The following ANGPT1 variants were observed in gnomAD, a reference collection of about 807,000 sequenced individuals.
ANGPT1 encodes the protein angiopoietin 1.
Under a neutral mutation model 62.2 loss-of-function variants are expected in ANGPT1, and 17 were observed. That is an observed-to-expected ratio of 0.27 (90% confidence interval 0.19 to 0.41). The LOEUF is 0.41. ANGPT1 is among the 10% of genes least tolerant of loss of function. The pLI, the probability that ANGPT1 is intolerant of heterozygous loss-of-function variation, is 1.00. For synonymous variants in ANGPT1, 199 were observed against 198.9 expected, an observed-to-expected ratio of 1.00 and a Z score of 0.00; for missense variants, 478 against 594.9, an observed-to-expected ratio of 0.80 and a Z score of 2.04.
chr8:107,465,951 T>C (rs1430480376), intron 1 of ANGPT1, among the ~76,000 whole-genome samples: 1 of 152,164 alleles, frequency 6.6e-6, no homozygotes, highest in Non-Finnish European at 1.5e-5. Context: ...CAGGAAGGAC[T>C]TCTATCTGGG....
At chr8:107,478,480 C>T (rs1335553794) in intron 1 of ANGPT1, among the ~76,000 whole-genome samples, 1 of 152,052 alleles carries the variant, frequency 6.6e-6, no homozygotes, top group Non-Finnish European at 1.5e-5. Flanking sequence ...ACCTGGGAGG[C>T]AGAGGTTGCA....
chr8:107,475,194 G>A lies in ANGPT1; in HGVS notation c.297+22068C>T, dbSNP rs563243043. 2.0e-5 allele frequency among the ~76,000 whole-genome samples: 3 copies of A among 152,238 alleles called. No homozygotes were observed. In the South Asian group the frequency reaches 6.2e-4, roughly 32 times the overall value. ...ACCTGACTTCAAACTATACTACAAGGCTACAGTAACCAAAACAGCATGGTA... is the reference window on the plus strand; with the variant it reads ...ACCTGACTTCAAACTATACTACAAGACTACAGTAACCAAAACAGCATGGTA... On this transcript the variant is annotated intron_variant, in intron 1 of 8. Transcript: ENST00000517746.
intron 1 of ANGPT1, among the ~76,000 whole-genome samples, chr8:107,384,230 A>G (rs943787211): frequency 6.6e-6 from 1 of 152,200 alleles, no homozygotes; most frequent in Non-Finnish European, 1.5e-5. Flanking sequence ...AAAAATGCCA[A>G]GGTTGGCATG....
chr8:107,367,092 C>A (rs1275209479), intron 1 of ANGPT1, among the ~76,000 whole-genome samples: 2 of 152,120 alleles, frequency 1.3e-5, no homozygotes, highest in African/African-American at 4.8e-5. Context: ...CGAAATCTCA[C>A]AAACTATATG....
chr8:107,382,201 A>C (rs529702983), intron 1 of ANGPT1, among the ~76,000 whole-genome samples: 16 of 152,358 alleles, frequency 1.1e-4, no homozygotes, highest in Admixed American at 5.9e-4. Flanking sequence ...ATATATTAAT[A>C]GGTCATAAAT....
chr8:107,377,196 A>G (rs568229946), intron 1 of ANGPT1, among the ~76,000 whole-genome samples: 2 of 152,332 alleles, frequency 1.3e-5, no homozygotes, highest in African/African-American at 4.8e-5. Flanking sequence ...TGGCACACAC[A>G]AAAAATTCTA....
intron 1 of ANGPT1, among the ~76,000 whole-genome samples, chr8:107,453,846 T>A (rs1811845068): frequency 7.1e-6 from 1 of 140,382 alleles, no homozygotes; most frequent in African/African-American, 2.5e-5. Flanking sequence ...ATGCACATAG[T>A]ATATGCTGAG....
At position 107,253,162 on chromosome 8, in the gene ANGPT1, A is replaced by G. The variant is rs1014412551; in HGVS notation, c.1337-1147T>C. ...ATTAATCACCAGTTCATAGTGGGGA[A>G]CCACAAGGTATGTCTTGATGAATTT... On this transcript the variant is annotated intron_variant, in intron 8 of 8. Transcript: ENST00000517746. Among the ~76,000 whole-genome samples, 5 of 152,228 alleles carry G rather than the reference A, an allele frequency of 3.3e-5. No individual in the cohort carries two copies. The East Asian group carries it at 9.6e-4, about 29-fold the overall frequency.
chr8:107,292,183 A>G (rs1322307353), intron 6 of ANGPT1, among the ~76,000 whole-genome samples: 1 of 152,148 alleles, frequency 6.6e-6, no homozygotes, highest in African/African-American at 2.4e-5. Context: ...CCAGTTAACT[A>G]AAATAGCTAT....
At chr8:107,288,410 G>T (rs960366754) in intron 6 of ANGPT1, among the ~76,000 whole-genome samples, 10 of 151,970 alleles carry the variant, frequency 6.6e-5, no homozygotes, top group African/African-American at 2.4e-4. Context: ...CTACACAAGA[G>T]GTAATTTTTA....
Position 107,497,628 on chromosome 8 carries a change from T to G in ANGPT1, c.-70A>C. ...CCTTTCTTCTGACCTCTAAAACTAGTTCTTTATTTCAGGTAAAACTGCTTG... is the reference window on the plus strand; with the variant it reads ...CCTTTCTTCTGACCTCTAAAACTAGGTCTTTATTTCAGGTAAAACTGCTTG... On this transcript the variant is annotated 5_prime_UTR_variant, in exon 1 of 9. Coordinates refer to ENST00000517746, the MANE Select transcript of ANGPT1 (RefSeq NM_001146.5). 1 of 1,463,318 alleles carries G rather than the reference T, an allele frequency of 6.8e-7. No homozygotes were observed. The highest frequency in any genetic ancestry group is 9.2e-7 in the Non-Finnish European group (1 of 1,090,852). The allele number at this position is 1,463,318 out of a possible 1,614,324, so 90.6% of individuals were successfully genotyped here.
chr8:107,314,951 G>A (rs1814979646), intron 4 of ANGPT1, among the ~76,000 whole-genome samples: 1 of 152,144 alleles, frequency 6.6e-6, no homozygotes, highest in South Asian at 2.1e-4. Flanking sequence ...ATCCCTTACA[G>A]AATGATATAA....
intron 1 of ANGPT1, among the ~76,000 whole-genome samples, chr8:107,490,945 C>G (rs1335902222): frequency 6.6e-6 from 1 of 152,126 alleles, no homozygotes; most frequent in African/African-American, 2.4e-5. Context: ...GATGGAAACT[C>G]AGAATATTAA....
At chr8:107,313,991 T>C (rs928585763) in intron 4 of ANGPT1, among the ~76,000 whole-genome samples, 2 of 152,186 alleles carry the variant, frequency 1.3e-5, no homozygotes, top group East Asian at 1.9e-4. Context: ...AGAGTAATTA[T>C]AGGTGTCATT....
In ANGPT1 at chr8:107,497,313, T is replaced by C; in HGVS notation, c.246A>G (p.Lys82=). Residue 82 remains lysine (K), a synonymous_variant, in exon 1 of 9, where the codon AAA becomes AAG. Coordinates refer to ENST00000517746, the MANE Select transcript of ANGPT1 (RefSeq NM_001146.5). Reference sequence around the variant, plus strand: ...CCATCACATGTTCCAGATGTTGAAGTTTCTGGGAAGAGAAATCCGGTTCCA... The same window carrying C: ...CCATCACATGTTCCAGATGTTGAAGCTTCTGGGAAGAGAAATCCGGTTCCA... ...PHVEPDFSSQ[K]LQHLEHVMEN... The C allele has an allele frequency of 6.2e-7, 1 of 1,614,210 alleles. No individual in the cohort carries two copies. The highest frequency in any genetic ancestry group is 8.5e-7 in the Non-Finnish European group (1 of 1,180,022).
intron 5 of ANGPT1, chr8:107,295,083 A>C (rs964163468): frequency 3.9e-5 from 6 of 152,202 alleles, no homozygotes; most frequent in African/African-American, 1.4e-4. Flanking sequence ...AGTAGCAAAA[A>C]GGGTATAAAA....
chr8:107,367,688 G>A (rs985489412), intron 1 of ANGPT1, among the ~76,000 whole-genome samples: 3 of 152,138 alleles, frequency 2.0e-5, no homozygotes, highest in African/African-American at 7.2e-5. Flanking sequence ...AGAAGTTTAT[G>A]TAATATTCTA....
At chr8:107,383,711 CA>C (rs1816681299) in intron 1 of ANGPT1, among the ~76,000 whole-genome samples, 1 of 152,072 alleles carries the variant, frequency 6.6e-6, no homozygotes, top group Non-Finnish European at 1.5e-5. Flanking sequence ...GTTAGACTAT[CA>C]GGGGAAACTC....
At chr8:107,416,975 G>A (rs1454366764) in intron 1 of ANGPT1, among the ~76,000 whole-genome samples, 1 of 151,908 alleles carries the variant, frequency 6.6e-6, no homozygotes, top group Non-Finnish European at 1.5e-5. Flanking sequence ...ATTTTTAGTA[G>A]CGACAGGGTT....
Sources: allele counts gnomAD v4.1 joint callset (sites outside exome capture counted in the v4.1 genomes callset), GRCh38; gene constraint gnomAD v4.1.1; transcripts MANE v1.5; gene names NCBI Gene and HGNC (gene_info 2026-07-23, HGNC 2026-07-21).